The following CPAMD8 variants were observed in gnomAD, a reference collection of about 807,000 sequenced individuals.
The protein encoded by CPAMD8 is C3 and PZP like alpha-2-macroglobulin domain containing 8, also known as C3 and PZP-like alpha-2-macroglobulin domain-containing protein 8.
CPAMD8 carries 146 observed loss-of-function variants against 224.7 expected under a neutral mutation model. The ratio of observed to expected loss-of-function variants is 0.65; its 90% confidence interval spans 0.57 to 0.75. The LOEUF (loss-of-function observed/expected upper bound fraction) is 0.75, where lower values mean the gene tolerates loss of function less well. Ranked by LOEUF, CPAMD8 falls within the 30% of genes least tolerant of loss-of-function variation. The pLI is 0.00. For synonymous variants in CPAMD8, 966 were observed against 1,044.6 expected, an observed-to-expected ratio of 0.92 and a Z score of 1.45; for missense variants, 2,301 against 2,537.5, an observed-to-expected ratio of 0.91 and a Z score of 2.00.
intron 27 of CPAMD8, 116 bp from the exon 28 acceptor site, chr19:16,914,929 A>C: frequency 1.4e-6 from 1 of 717,462 alleles, no homozygotes; most frequent in Non-Finnish European, 2.3e-6. Flanking sequence ...CCTCATCTAT[A>C]AGATGGGAGG....
intron 5 of CPAMD8, 45 bp downstream of exon 5, chr19:17,011,419 C>CG: frequency 1.2e-6 from 2 of 1,611,012 alleles, no homozygotes; most frequent in African/African-American, 1.3e-5. Flanking sequence ...CAGGTAGTCC[C>CG]AAGTGGGTGC....
chr19:16,995,384 GTTTGTT>G (rs1186692928), intron 11 of CPAMD8, among the ~76,000 whole-genome samples: 1 of 152,070 alleles, frequency 6.6e-6, no homozygotes, highest in Non-Finnish European at 1.5e-5. Context: ...GATGCCCCAG[GTTTGTT>G]TTTGTTTTTT....
chr19:16,998,849 A>T (rs1254873649), intron 10 of CPAMD8, among the ~76,000 whole-genome samples: 3 of 152,192 alleles, frequency 2.0e-5, no homozygotes. Context: ...GAGAAACAAA[A>T]ATGTAGGTCC....
intron 1 of CPAMD8, among the ~76,000 whole-genome samples, chr19:17,023,330 T>A (rs978523242): frequency 1.3e-5 from 2 of 151,906 alleles, no homozygotes; most frequent in Non-Finnish European, 2.9e-5. Flanking sequence ...AGGGCCCAGG[T>A]CCTCCCCACC....
At chr19:16,967,036 A>T (rs1375506430) in intron 18 of CPAMD8, among the ~76,000 whole-genome samples, 1 of 152,160 alleles carries the variant, frequency 6.6e-6, no homozygotes, top group Non-Finnish European at 1.5e-5. Context: ...AGACACATGC[A>T]CACGTATGTT....
At chr19:16,966,745 T>C (rs1447620799) in intron 18 of CPAMD8, among the ~76,000 whole-genome samples, 1 of 152,146 alleles carries the variant, frequency 6.6e-6, no homozygotes, top group Non-Finnish European at 1.5e-5. Flanking sequence ...AAAATGCTCA[T>C]CATCACTGGC....
At chr19:16,901,780 A>G (rs1332631238) in intron 35 of CPAMD8, among the ~76,000 whole-genome samples, 1 of 152,158 alleles carries the variant, frequency 6.6e-6, no homozygotes, top group Non-Finnish European at 1.5e-5. Flanking sequence ...GCAATATGCC[A>G]GGCGCTTCCT....
At position 17,014,977 on chromosome 19, in the gene CPAMD8, C is replaced by G. The variant is rs540969388; in HGVS notation, c.268-3220G>C. Among the ~76,000 whole-genome samples the G allele has an allele frequency of 2.6e-5, 4 of 152,376 alleles. No homozygotes were observed. In the East Asian group the frequency reaches 7.7e-4, roughly 29 times the overall value. Reference sequence around the variant, plus strand: ...ACCCAAATGGCTGGGCACAGTGGCTCACGCCTGTCATCCCAGCACTTTGGG... The same window carrying G: ...ACCCAAATGGCTGGGCACAGTGGCTGACGCCTGTCATCCCAGCACTTTGGG... On this transcript the variant is annotated intron_variant, in intron 3 of 41. Coordinates refer to ENST00000443236, the MANE Select transcript of CPAMD8 (RefSeq NM_015692.5).
At chr19:16,925,939 T>C (rs2053343711) in intron 25 of CPAMD8, among the ~76,000 whole-genome samples, 3 of 151,932 alleles carry the variant, frequency 2.0e-5, no homozygotes, top group Non-Finnish European at 4.4e-5. Flanking sequence ...TTTTATTTTT[T>C]TAGTAGAGAC....
chr19:17,022,684 A>G (rs1435383873), intron 1 of CPAMD8, among the ~76,000 whole-genome samples: 2 of 152,024 alleles, frequency 1.3e-5, no homozygotes, highest in Non-Finnish European at 2.9e-5. Context: ...TTTTTAGTAG[A>G]GGCAGGGTTT....
chr19:16,930,569 C>A (rs1424791950), intron 23 of CPAMD8, among the ~76,000 whole-genome samples: 5 of 152,156 alleles, frequency 3.3e-5, no homozygotes. Flanking sequence ...CGGGAATCAG[C>A]TGGGGGCCGG....
chr19:16,973,704 A>G (rs539712909), intron 17 of CPAMD8, among the ~76,000 whole-genome samples: 1 of 151,708 alleles, frequency 6.6e-6, no homozygotes, highest in East Asian at 2.0e-4. Flanking sequence ...CACGCATTTG[A>G]GTGGAGACCA....
intron 18 of CPAMD8, among the ~76,000 whole-genome samples, chr19:16,964,367 G>A (rs1403769854): frequency 5.9e-5 from 9 of 151,862 alleles, no homozygotes; most frequent in Non-Finnish European, 1.0e-4. Flanking sequence ...TATCACCACC[G>A]ATCCCACAGA....
chr19:17,013,640 G>C (rs149148057), intron 3 of CPAMD8, among the ~76,000 whole-genome samples: 2,098 of 151,846 alleles, frequency 0.014, 32 homozygotes, highest in Middle Eastern at 0.027. Flanking sequence ...GGTTGCTAGG[G>C]GCTGGGAGAA....
In CPAMD8 at chr19:16,902,845, C is replaced by A. The variant is rs201613702; in HGVS notation, c.4489G>T (p.Val1497Leu). Residue 1497 changes from valine (V) to leucine (L), a missense_variant, in exon 35 of 42, where the codon GTG becomes TTG. Transcript: ENST00000443236. The part of the protein sequence containing the change: ...CLMQIDVTYN[V>L]PDPVAKPAFQ... Reference sequence around the variant, plus strand: ...GCTGGCTTGGCCACCGGGTCAGGCACATTGTAGGTGACATCAATCTGGGGG... The same window carrying A: ...GCTGGCTTGGCCACCGGGTCAGGCAAATTGTAGGTGACATCAATCTGGGGG... The A allele has an allele frequency of 2.5e-4, 379 of 1,542,108 alleles. 1 individual carries two copies. The African/African-American group carries it at 4.9e-3, about 20-fold the overall frequency.
At chr19:16,938,197 T>C (rs933732827) in intron 23 of CPAMD8, among the ~76,000 whole-genome samples, 198 bp downstream of exon 23, 4 of 152,198 alleles carry the variant, frequency 2.6e-5, no homozygotes, top group African/African-American at 9.6e-5. Context: ...ATTCATTCAT[T>C]CATGCCCCAC....
chr19:16,946,360 G>T lies in CPAMD8; in HGVS notation c.2663-681C>A, dbSNP rs147808852. ...ATATGTATGTATGTCTACACGTGGG[G>T]GTGTGTGTGTGTGGATTTGTGTGTG... On this transcript the variant is annotated intron_variant, in intron 21 of 41. Transcript: ENST00000443236. 2.7e-3 allele frequency among the ~76,000 whole-genome samples: 392 copies of T among 147,162 alleles called. 1 individual carries two copies. The highest frequency in any genetic ancestry group is 5.9e-3 in the South Asian group (27 of 4,572).
intron 14 of CPAMD8, among the ~76,000 whole-genome samples, chr19:16,979,439 CATCT>C (rs1237162930): frequency 4.2e-4 from 26 of 61,326 alleles, no homozygotes; most frequent in East Asian, 3.0e-3. Context: ...TCCATCCATC[CATCT>C]ATCAATCCAC....
chr19:16,904,941 C>T (rs563243365), intron 30 of CPAMD8, among the ~76,000 whole-genome samples: 35 of 152,332 alleles, frequency 2.3e-4, no homozygotes, highest in African/African-American at 7.9e-4. Context: ...ACTCGACTTG[C>T]AAAGGCTCAA....
Sources: allele counts gnomAD v4.1 joint callset (sites outside exome capture counted in the v4.1 genomes callset), GRCh38; gene constraint gnomAD v4.1.1; transcripts MANE v1.5; gene names NCBI Gene and HGNC (gene_info 2026-07-23, HGNC 2026-07-21).